SPTBN1: variants seen among roughly 807,000 people sequenced by gnomAD.
SPTBN1 encodes spectrin beta, non-erythrocytic 1.
In SPTBN1, 32 loss-of-function variants were observed where a neutral mutation model predicts 266.4. The ratio of observed to expected loss-of-function variants is 0.12; its 90% CI spans 0.09 to 0.16. The LOEUF (loss-of-function observed/expected upper bound fraction) is 0.16, where lower values mean the gene tolerates loss of function less well. Among genes scored for constraint, SPTBN1 ranks in the 10% least tolerant of loss-of-function variants. SPTBN1 has a pLI of 1.00. For missense variants in SPTBN1, 2,296 were observed against 3,067.1 expected (o/e 0.75, Z 5.94); for synonymous variants, 1,336 against 1,162.2 (o/e 1.15, Z -3.04).
At chr2:54,608,040 G>T (rs1476223996) in intron 3 of SPTBN1, among the ~76,000 whole-genome samples, 1 of 152,144 alleles carries the variant, frequency 6.6e-6, no homozygotes, top group Non-Finnish European at 1.5e-5. Flanking sequence ...ACTAAGGTAG[G>T]GCTGGCTGCT....
At chr2:54,489,214 A>G (rs1668565248) in intron 1 of SPTBN1, among the ~76,000 whole-genome samples, 2 of 150,656 alleles carry the variant, frequency 1.3e-5, no homozygotes, top group African/African-American at 2.4e-5. Context: ...CCACCTACTC[A>G]GGAGGTAGAG....
rs546644703 is a variant in SPTBN1 at position 54,631,745 on chromosome 2, T to C, written c.3564+134T>C. 5.1e-5 allele frequency: 62 copies of C among 1,216,284 alleles called. No individual in the cohort carries two copies. The African/African-American group carries it at 8.5e-4, about 17-fold the overall frequency. The allele number at this position is 1,216,284 out of a possible 1,614,324, so 75.3% of individuals were successfully genotyped here. A position where few individuals can be genotyped will look rare whatever the true frequency, so the allele number is the denominator to read the frequency against. Reference sequence around the variant, plus strand: ...ATGGATAATTTAGAGACTGATTTTTTTTTCCCCATACTCTTAAGGCATTGA... The same window carrying C: ...ATGGATAATTTAGAGACTGATTTTTCTTTCCCCATACTCTTAAGGCATTGA... On this transcript the variant is annotated intron_variant, in intron 16 of 35. Transcript: ENST00000356805.
At chr2:54,665,513 G>A (rs17416364) in intron 33 of SPTBN1, among the ~76,000 whole-genome samples, 2,585 of 152,310 alleles carry the variant, frequency 0.017, 32 homozygotes, top group Non-Finnish European at 0.024. Context: ...TAATGAATCC[G>A]CAGCTGGAGG....
At chr2:54,633,263 A>C (rs1678875061) in intron 17 of SPTBN1, among the ~76,000 whole-genome samples, 1 of 152,192 alleles carries the variant, frequency 6.6e-6, no homozygotes, top group African/African-American at 2.4e-5. Flanking sequence ...CTTTTTTAGA[A>C]AATTGGCTTG....
At chr2:54,660,029 C>T (rs143163170) in intron 32 of SPTBN1, 30 bp downstream of exon 32, 5 of 1,614,216 alleles carry the variant, frequency 3.1e-6, no homozygotes, top group Non-Finnish European at 4.2e-6. Context: ...CCTACCAAAA[C>T]TACAAAAACT....
intron 17 of SPTBN1, among the ~76,000 whole-genome samples, chr2:54,635,162 A>G (rs1033675248): frequency 6.6e-5 from 10 of 152,182 alleles, no homozygotes; most frequent in African/African-American, 2.4e-4. Context: ...GAGAGATGGA[A>G]AAGCACTCTT....
intron 2 of SPTBN1, among the ~76,000 whole-genome samples, chr2:54,594,851 T>TTTTTTTTTTTTTTTTTG (rs10673399): frequency 1.4e-5 from 2 of 144,870 alleles, no homozygotes; most frequent in African/African-American, 5.6e-5. Context: ...TTTTTTTTTT[T>TTTTTTTTTTTTTTTTTG]GAGACAGAGT....
chr2:54,643,239 C>G (rs778240602), intron 19 of SPTBN1, 110 bp downstream of exon 19: 8 of 1,463,142 alleles, frequency 5.5e-6, no homozygotes, highest in Middle Eastern at 4.7e-4. Flanking sequence ...TGTACATTTA[C>G]GTAAGTTACA....
Position 54,498,631 on chromosome 2 carries a change from C to T in SPTBN1, c.-47-27741C>T, listed in dbSNP as rs138882260. ...CTATATCAGTGTTTCCTAAATAACG[C>T]AACTATATATACATCCCTAAAGTGA... On this transcript the variant is annotated intron_variant, in intron 1 of 35. Transcript: ENST00000356805. Among the ~76,000 whole-genome samples the T allele has an allele frequency of 5.3e-4, 80 of 152,282 alleles. 1 individual carries two copies. The highest frequency in any genetic ancestry group is 1.9e-3 in the African/African-American group (77 of 41,556).
rs117894253 is a variant in SPTBN1, at chr2:54,573,904, G to T, written c.149-25188G>T. On this transcript the variant is annotated intron_variant, in intron 2 of 35. Coordinates refer to ENST00000356805, the MANE Select transcript of SPTBN1 (RefSeq NM_003128.3). ...TTTGAATGGATGTATTTATGGGAGG[G>T]GGGTGCTTTGTACACCTGCAAAACA... Among the ~76,000 whole-genome samples the T allele has an allele frequency of 2.4e-4, 34 of 144,114 alleles. No individual in the cohort carries two copies. In the East Asian group the frequency reaches 4.3e-3, roughly 18 times the overall value. 94.5% of individuals were successfully genotyped at this position (144,114 alleles called of 152,430 possible). A position where few individuals can be genotyped will look rare whatever the true frequency, so the allele number is the denominator to read the frequency against.
rs979549833 is a variant in SPTBN1 at position 54,646,943 on chromosome 2, G to A, written c.4867-188G>A. Among the ~76,000 whole-genome samples the A allele has an allele frequency of 2.0e-5, 3 of 152,196 alleles. No individual in the cohort carries two copies. Among genetic ancestry groups the A allele is most frequent in the African/African-American group, 7.2e-5 (3 of 41,442 alleles). ...TCTCCTTGTGTTTATCTTCTGCACA[G>A]GCTTCTGTGGTCCAGTCCATATGGA... On this transcript the variant is annotated intron_variant, in intron 23 of 35. Coordinates refer to ENST00000356805, the MANE Select transcript of SPTBN1 (RefSeq NM_003128.3). The surrounding 1 kb of genome is among the most constrained non-coding windows in gnomAD (Gnocchi z 4.4).
rs371604423 is a variant in SPTBN1 at position 54,653,715 on chromosome 2, C to T, written c.5684C>T (p.Ser1895Phe). 1.9e-6 allele frequency: 3 copies of T among 1,614,188 alleles called. No homozygotes were observed. The highest frequency in any genetic ancestry group is 1.1e-5 in the South Asian group (1 of 91,078). Residue 1895 changes from serine (S) to phenylalanine (F), a missense_variant, in exon 27 of 36, where the codon TCC becomes TTC. Ser to Phe is a radical substitution (Grantham distance 155). Around this residue, in one of 12 missense-constraint regions of SPTBN1, gnomAD observed 644 missense variants for 745.3 expected, o/e 0.86. Coordinates refer to ENST00000356805, the MANE Select transcript of SPTBN1 (RefSeq NM_003128.3). This position sits in a 1 kb window ranked among gnomAD's most constrained non-coding sequence, Gnocchi z 5.1. ...RENEVLEAWK[S>F]LLDACESRRV... ...AACGAGGTCCTGGAAGCCTGGAAGT[C>T]CCTCCTGGACGCCTGTGAGAGCCGC...
rs950655349 is a variant in SPTBN1, at chr2:54,653,512, C to G, written c.5578-97C>G. ...GCATGGGCCATATTTTGACTCTGTG[C>G]TCCCTTTAGTGTATGAGCAGAACAG... is the stretch of plus-strand genomic sequence containing the variant. On this transcript the variant is annotated intron_variant, in intron 26 of 35. Coordinates refer to ENST00000356805, the MANE Select transcript of SPTBN1 (RefSeq NM_003128.3). The surrounding 1 kb of genome is among the most constrained non-coding windows in gnomAD (Gnocchi z 5.1). 2.2e-5 allele frequency: 34 copies of G among 1,523,100 alleles called. No homozygotes were observed. The highest frequency in any genetic ancestry group is 2.9e-5 in the Non-Finnish European group (33 of 1,142,808). The allele number at this position is 1,523,100 out of a possible 1,614,324, so 94.3% of individuals were successfully genotyped here.
chr2:54,643,890 C>G (rs1056517650), intron 19 of SPTBN1, among the ~76,000 whole-genome samples: 2 of 151,898 alleles, frequency 1.3e-5, no homozygotes, highest in African/African-American at 4.8e-5. Flanking sequence ...GGCTGAGGCA[C>G]GAGCCCAGGA....
Position 54,597,861 on chromosome 2 carries a change from A to G in SPTBN1, c.149-1231A>G, listed in dbSNP as rs375988004. On this transcript the variant is annotated intron_variant, in intron 2 of 35. Transcript: ENST00000356805. ...GAAATACATGCCAAATTGTTGAGCT[A>G]TCTGCTTTTTTTTTTTTTTTTTTTT... Among the ~76,000 whole-genome samples the G allele has an allele frequency of 8.8e-3, 1,025 of 116,142 alleles. 7 individuals carry two copies. Among genetic ancestry groups the G allele is most frequent in the African/African-American group, 0.026 (767 of 29,922 alleles). 76.2% of individuals were successfully genotyped at this position (116,142 alleles called of 152,430 possible).
Position 54,642,971 on chromosome 2 carries a change from A to T in SPTBN1, c.3859-12A>T, listed in dbSNP as rs1345483242. 1.9e-6 allele frequency: 3 copies of T among 1,609,618 alleles called. No individual in the cohort carries two copies. In the African/African-American group the frequency reaches 4.0e-5, roughly 22 times the overall value. On this transcript the variant is annotated splice_polypyrimidine_tract_variant and intron_variant, in intron 18 of 35. Transcript: ENST00000356805. ...GGATCACAATCTCTGAATCCTTCTG[A>T]TCTTTCTGTAGCTGTCTCTCTGGAT...
At chr2:54,569,980 C>CA (rs1204253534) in intron 2 of SPTBN1, among the ~76,000 whole-genome samples, 3 of 149,234 alleles carry the variant, frequency 2.0e-5, no homozygotes, top group Admixed American at 6.7e-5. Context: ...TTCCCCCCCC[C>CA]CTTTAGAAAG....
At chr2:54,488,455 T>G (rs1457295362) in intron 1 of SPTBN1, among the ~76,000 whole-genome samples, 1 of 152,204 alleles carries the variant, frequency 6.6e-6, no homozygotes, top group Non-Finnish European at 1.5e-5. Flanking sequence ...TTTTTATTTT[T>G]TATTTTTGGC....
At chr2:54,591,335 T>TC (rs1321667041) in intron 2 of SPTBN1, among the ~76,000 whole-genome samples, 1 of 152,198 alleles carries the variant, frequency 6.6e-6, no homozygotes, top group African/African-American at 2.4e-5. Context: ...TTAACTTCCA[T>TC]CCCTGTAATT....
Sources: gnomAD v4.1 joint callset for allele counts (sites outside exome capture counted in the v4.1 genomes callset) on GRCh38, gnomAD v4.1.1 for gene constraint, gnomAD v4.1.1 regional missense constraint, Gnocchi (gnomAD v3.1) non-coding constraint, MANE v1.5 for transcripts, NCBI Gene and HGNC (gene_info 2026-07-23, HGNC 2026-07-21) for gene names.